The following DAB1 variants were observed in gnomAD, a reference collection of about 807,000 sequenced individuals.
DAB1 encodes the protein DAB adaptor protein 1, also known as disabled homolog 1.
In DAB1, 15 loss-of-function variants were observed where a neutral mutation model predicts 64.6. That is an observed-to-expected ratio of 0.23 (90% CI 0.16 to 0.36). The LOEUF is 0.36. DAB1 is among the 10% of genes least tolerant of loss of function. DAB1 has a pLI of 1.00. For synonymous variants in DAB1, 235 were observed against 251.9 expected, an observed-to-expected ratio of 0.93 and a Z score of 0.64; for missense variants, 596 against 706.7, an observed-to-expected ratio of 0.84 and a Z score of 1.78.
At chr1:57,601,608 T>G (rs1039622346) in intron 7 of DAB1, among the ~76,000 whole-genome samples, 1 of 152,036 alleles carries the variant, frequency 6.6e-6, no homozygotes, top group Admixed American at 6.6e-5. Context: ...AATTAATTAG[T>G]TAAAAAAATG....
chr1:57,839,541 A>G (rs1377242204), intron 1 of DAB1, among the ~76,000 whole-genome samples: 1 of 152,262 alleles, frequency 6.6e-6, no homozygotes, highest in Admixed American at 6.5e-5. Context: ...TTAGTTTATT[A>G]TGGCTCATTG....
At chr1:57,198,608 A>C (rs1664822496) in intron 2 of DAB1, among the ~76,000 whole-genome samples, 1 of 129,452 alleles carries the variant, frequency 7.7e-6, no homozygotes, top group African/African-American at 3.0e-5. Flanking sequence ...TCCTGGCTTA[A>C]CTCTCTCTCT....
rs538728832 is a variant in DAB1 at position 58,079,608 on chromosome 1, T to C, written n.387+70903A>G. On this transcript the variant is annotated intron_variant and non_coding_transcript_variant, in intron 5 of 20. Transcript: ENST00000485760. ...CGCAATCTCGGCTCACTGCAACCTC[T>C]GCCTCCCGGTTCAAGCAATTCTCTG... Among the ~76,000 whole-genome samples, 3 of 142,968 alleles carry C rather than the reference T, an allele frequency of 2.1e-5. No homozygotes were observed. The South Asian group carries it at 7.0e-4, about 34-fold the overall frequency. 93.8% of individuals were successfully genotyped at this position (142,968 alleles called of 152,430 possible).
chr1:57,785,584 G>A (rs1650301237), intron 6 of DAB1, among the ~76,000 whole-genome samples: 2 of 152,160 alleles, frequency 1.3e-5, no homozygotes, highest in Non-Finnish European at 2.9e-5. Context: ...AGTGGAGGAA[G>A]AAACTGCAGA....
intron 2 of DAB1, among the ~76,000 whole-genome samples, chr1:57,205,793 C>T (rs1332332084): frequency 6.6e-6 from 1 of 152,176 alleles, no homozygotes; most frequent in Non-Finnish European, 1.5e-5. Flanking sequence ...ACATCTCTAG[C>T]AAACAAGCTT....
intron 2 of DAB1, among the ~76,000 whole-genome samples, chr1:57,195,739 T>C (rs1664572844): frequency 6.6e-6 from 1 of 152,248 alleles, no homozygotes; most frequent in Non-Finnish European, 1.5e-5. Flanking sequence ...TTCAGTTTCC[T>C]GGGCCATGAA....
intron 3 of DAB1, among the ~76,000 whole-genome samples, chr1:58,474,786 TA>T (rs1351382334): frequency 6.6e-6 from 1 of 152,202 alleles, no homozygotes; most frequent in Non-Finnish European, 1.5e-5. Flanking sequence ...AAGGGAAGCA[TA>T]TTAAAGACAG....
At chr1:57,362,798 A>C (rs983844891) in intron 1 of DAB1, among the ~76,000 whole-genome samples, 2 of 152,054 alleles carry the variant, frequency 1.3e-5, no homozygotes, top group African/African-American at 4.8e-5. Context: ...TAAGACACCC[A>C]CCCAAAATAC....
chr1:57,180,161 C>T (rs965491048), intron 2 of DAB1, among the ~76,000 whole-genome samples: 1 of 152,298 alleles, frequency 6.6e-6, no homozygotes, highest in Non-Finnish European at 1.5e-5. Flanking sequence ...GTAAGGCCAG[C>T]CTTAGGTGAG....
chr1:58,409,469 T>C (rs1644646753), intron 3 of DAB1, among the ~76,000 whole-genome samples: 1 of 152,222 alleles, frequency 6.6e-6, no homozygotes, highest in Non-Finnish European at 1.5e-5. Flanking sequence ...CCAAGCAGCA[T>C]CGCTGTCTGA....
chr1:58,186,765 G>T (rs1657099953), intron 4 of DAB1, among the ~76,000 whole-genome samples: 1 of 152,126 alleles, frequency 6.6e-6, no homozygotes, highest in Non-Finnish European at 1.5e-5. Flanking sequence ...GGATAATCTA[G>T]GCTGGCTTTG....
chr1:58,508,320 G>A (rs1178257550), intron 2 of DAB1, among the ~76,000 whole-genome samples: 2 of 152,136 alleles, frequency 1.3e-5, no homozygotes, highest in Non-Finnish European at 2.9e-5. Context: ...GGAAAAATAA[G>A]TAACAGGTTG....
chr1:57,439,435 T>TTTTTGTTTTTTTTTTTTTTTTTTG (rs1558381584), intron 7 of DAB1, among the ~76,000 whole-genome samples: 1 of 135,320 alleles, frequency 7.4e-6, no homozygotes, highest in East Asian at 2.3e-4. Flanking sequence ...CTTTTTTTTT[T>TTTTTGTTTTTTTTTTTTTTTTTTG]TTTTTTTTTT....
At chr1:57,667,842 C>T (rs533704971) in intron 6 of DAB1, among the ~76,000 whole-genome samples, 10 of 151,982 alleles carry the variant, frequency 6.6e-5, no homozygotes, top group East Asian at 3.9e-4. Context: ...CACATGGACA[C>T]GGGGAGGGTA....
At chr1:57,205,042 A>G (rs1202566903) in intron 2 of DAB1, among the ~76,000 whole-genome samples, 5 of 152,208 alleles carry the variant, frequency 3.3e-5, no homozygotes, top group African/African-American at 4.8e-5. Context: ...CACCCATTTG[A>G]GAGTGTTAAT....
chr1:57,461,606 G>T (rs1686781018), intron 7 of DAB1, among the ~76,000 whole-genome samples: 2 of 152,180 alleles, frequency 1.3e-5, no homozygotes, highest in South Asian at 4.1e-4. Context: ...CTGACCCTGT[G>T]TGTTTGCCCA....
intron 6 of DAB1, among the ~76,000 whole-genome samples, chr1:57,663,276 C>T (rs939280717): frequency 2.6e-5 from 4 of 152,110 alleles, no homozygotes; most frequent in African/African-American, 9.7e-5. Context: ...AGGGGGAAGT[C>T]CACCCCATGA....
intron 9 of DAB1, among the ~76,000 whole-genome samples, chr1:57,039,677 C>T (rs3768204): frequency 0.34 from 51,014 of 152,030 alleles, 9,372 homozygotes; most frequent in Middle Eastern, 0.45. Context: ...TTTTAGAACT[C>T]AGGTTGTAAC....
intron 3 of DAB1, among the ~76,000 whole-genome samples, chr1:58,467,319 C>T (rs550930151): frequency 1.5e-4 from 23 of 152,320 alleles, no homozygotes; most frequent in African/African-American, 5.3e-4. Context: ...TATGTAGCAG[C>T]GCTCAAACAA....
Sources: gnomAD v4.1 joint callset for allele counts (sites outside exome capture counted in the v4.1 genomes callset) on GRCh38, gnomAD v4.1.1 for gene constraint, MANE v1.5 for transcripts, NCBI Gene and HGNC (gene_info 2026-07-23, HGNC 2026-07-21) for gene names.